Variants in PPME1 observed in about 807,000 individuals in gnomAD.
PPME1 encodes the protein testicular secretory protein Li 39.
Under a neutral mutation model 56.9 loss-of-function variants are expected in PPME1, and 17 were observed. The observed-to-expected ratio is 0.30, with a 90% CI of 0.20 to 0.45. The LOEUF (loss-of-function observed/expected upper bound fraction) is 0.45, where lower values mean the gene tolerates loss of function less well. Among genes scored for constraint, PPME1 ranks in the 20% least tolerant of loss-of-function variants. PPME1 has a pLI of 1.00. For synonymous variants in PPME1, 122 were observed against 156.2 expected, an observed-to-expected ratio of 0.78 and a Z score of 1.63; for missense variants, 357 against 483.2, an observed-to-expected ratio of 0.74 and a Z score of 2.45.
rs775427211 is a variant in PPME1 at position 74,230,980 on chromosome 11, C to G, written c.622C>G (p.Leu208Val). 3 of 1,599,912 alleles carry G rather than the reference C, an allele frequency of 1.9e-6. No homozygotes were observed. Among genetic ancestry groups the G allele is most frequent in the Non-Finnish European group, 2.6e-6 (3 of 1,172,576 alleles). ...GGGTCGTCCTAAAACCTTCAAGTCT[C>G]TGGAGAATGCTATTGAATGGAGGTA... ...LRGRPKTFKS[L>V]ENAIEWSVKS... The change falls in exon 7 of 14, where the codon CTG becomes GTG. Residue 208 changes from leucine (L) to valine (V), a missense_variant. Leu to Val is a conservative substitution (Grantham distance 32). Coordinates refer to ENST00000328257, the MANE Select transcript of PPME1 (RefSeq NM_016147.3). The surrounding 1 kb of genome is among the most constrained non-coding windows in gnomAD (Gnocchi z 4.9).
At position 74,239,034 on chromosome 11, in the gene PPME1, G is replaced by C. The variant is rs1185018449; in HGVS notation, c.711-99G>C. ...CTACCAGGATGATTGTTAAGTTTTA[G>C]CTAACATTTGATTATAAAAGGCCGT... On this transcript the variant is annotated intron_variant, in intron 8 of 13. Coordinates refer to ENST00000328257, the MANE Select transcript of PPME1 (RefSeq NM_016147.3). 5.8e-6 allele frequency: 7 copies of C among 1,198,122 alleles called. No homozygotes were observed. The African/African-American group carries it at 1.1e-4, about 18-fold the overall frequency. The allele number at this position is 1,198,122 out of a possible 1,614,324, so 74.2% of individuals were successfully genotyped here. A position where few individuals can be genotyped will look rare whatever the true frequency, so the allele number is the denominator to read the frequency against.
chr11:74,194,702 G>A (rs1565379223), intron 1 of PPME1, among the ~76,000 whole-genome samples: 2 of 152,046 alleles, frequency 1.3e-5, no homozygotes, highest in African/African-American at 4.8e-5. Flanking sequence ...ATAGACAGAA[G>A]CAGTCCCTAA....
chr11:74,182,889 G>A (rs1857577083), intron 1 of PPME1, among the ~76,000 whole-genome samples: 1 of 151,964 alleles, frequency 6.6e-6, no homozygotes, highest in Non-Finnish European at 1.5e-5. Context: ...AGGCACCATG[G>A]TTCATGCCTG....
At chr11:74,246,012 G>A in intron 9 of PPME1, 64 bp from the exon 10 acceptor site, 1 of 1,525,936 alleles carries the variant, frequency 6.6e-7, no homozygotes, top group Non-Finnish European at 8.8e-7. Flanking sequence ...CAGGGATCTA[G>A]TTTTTAATCC....
chr11:74,251,112 CT>C, intron 12 of PPME1, 94 bp downstream of exon 12: 1 of 1,531,764 alleles, frequency 6.5e-7, no homozygotes, highest in Non-Finnish European at 8.8e-7. Context: ...CCTGCATTGC[CT>C]GCAGCAGCTG....
chr11:74,180,495 C>CTA (rs1857503831), intron 1 of PPME1, among the ~76,000 whole-genome samples: 1 of 152,126 alleles, frequency 6.6e-6, no homozygotes, highest in Non-Finnish European at 1.5e-5. Flanking sequence ...CTCCTAAAAG[C>CTA]GGTTATACTT....
chr11:74,212,980 A>G (rs1591041988), intron 3 of PPME1, among the ~76,000 whole-genome samples: 1 of 152,276 alleles, frequency 6.6e-6, no homozygotes. Context: ...AGGGAAGAGT[A>G]AAGACTTCAT....
intron 1 of PPME1, among the ~76,000 whole-genome samples, chr11:74,193,909 C>T (rs548469521): frequency 6.3e-4 from 96 of 152,134 alleles, no homozygotes; most frequent in Middle Eastern, 3.4e-3. Context: ...TGTTTCCTCA[C>T]GTATTTTATG....
At chr11:74,240,936 C>T (rs1591065143) in intron 9 of PPME1, among the ~76,000 whole-genome samples, 1 of 152,168 alleles carries the variant, frequency 6.6e-6, no homozygotes, top group Non-Finnish European at 1.5e-5. Context: ...GTATTATCAC[C>T]ATTTTACAAC....
intron 11 of PPME1, chr11:74,250,697 T>C: frequency 4.5e-6 from 2 of 444,682 alleles, no homozygotes; most frequent in Non-Finnish European, 8.1e-6. Flanking sequence ...GGACAAGAAC[T>C]GTTTCTTCTA....
At chr11:74,211,031 TG>T (rs1858459772) in intron 3 of PPME1, among the ~76,000 whole-genome samples, 1 of 152,224 alleles carries the variant, frequency 6.6e-6, no homozygotes, top group South Asian at 2.1e-4. Context: ...TTTAAAAATC[TG>T]TTTTTTCTAA....
rs888354839 is a variant in PPME1 at position 74,246,161 on chromosome 11, A to G, written c.920A>G (p.Asn307Ser). 2.2e-5 allele frequency: 34 copies of G among 1,552,930 alleles called. No homozygotes were observed. Among genetic ancestry groups the G allele is most frequent in the African/African-American group, 1.1e-4 (8 of 73,108 alleles). The change falls in exon 10 of 14, where the codon AAT becomes AGT. Residue 307 changes from asparagine (N) to serine (S), a missense_variant. Coordinates refer to ENST00000328257, the MANE Select transcript of PPME1 (RefSeq NM_016147.3). Reference protein sequence around the residue: ...YWDGWFRGLSNLFLSCPIPKL... With the variant: ...YWDGWFRGLSSLFLSCPIPKL... ...GACGGCTGGTTCCGAGGCTTATCCA[A>G]TCTCTTTCTTAGTTGTCCCATTCCT...
intron 5 of PPME1, among the ~76,000 whole-genome samples, chr11:74,227,516 C>T (rs79718875): frequency 0.018 from 2,705 of 151,760 alleles, 79 homozygotes; most frequent in African/African-American, 0.062. Flanking sequence ...TTATCAACTG[C>T]AGAACCTAAA....
At chr11:74,200,289 A>ATTTT (rs1387381611) in intron 1 of PPME1, among the ~76,000 whole-genome samples, 7 of 152,130 alleles carry the variant, frequency 4.6e-5, no homozygotes, top group Non-Finnish European at 7.3e-5. Flanking sequence ...CTTGCCACTT[A>ATTTT]TGTAATGTCT....
At chr11:74,192,429 T>G (rs942771025) in intron 1 of PPME1, among the ~76,000 whole-genome samples, 2 of 152,118 alleles carry the variant, frequency 1.3e-5, no homozygotes, top group African/African-American at 4.8e-5. Context: ...TAGATGAGAC[T>G]TAGGACTTTG....
chr11:74,171,620 G>T, intron 1 of PPME1, 98 bp downstream of exon 1: 2 of 1,404,530 alleles, frequency 1.4e-6, no homozygotes, highest in South Asian at 1.5e-5. Flanking sequence ...GGAGTCTACT[G>T]ATAGGAGAAA....
At chr11:74,200,951 T>A (rs1858145827) in intron 1 of PPME1, among the ~76,000 whole-genome samples, 2 of 151,928 alleles carry the variant, frequency 1.3e-5, no homozygotes, top group African/African-American at 4.8e-5. Flanking sequence ...CTCTCCCGAG[T>A]GGCAGGAACT....
chr11:74,224,019 A>G (rs1858870370), intron 4 of PPME1, among the ~76,000 whole-genome samples: 1 of 152,178 alleles, frequency 6.6e-6, no homozygotes, highest in African/African-American at 2.4e-5. Context: ...GTCCTTGTCC[A>G]TGCCTATGTC....
At chr11:74,190,261 A>G (rs1164224316) in intron 1 of PPME1, among the ~76,000 whole-genome samples, 1 of 152,132 alleles carries the variant, frequency 6.6e-6, no homozygotes, top group Non-Finnish European at 1.5e-5. Flanking sequence ...CCAATGCTGG[A>G]GGTAGGGCCC....
Sources: gnomAD v4.1 joint callset for allele counts (sites outside exome capture counted in the v4.1 genomes callset) on GRCh38, gnomAD v4.1.1 for gene constraint, Gnocchi (gnomAD v3.1) non-coding constraint, MANE v1.5 for transcripts, NCBI Gene and HGNC (gene_info 2026-07-23, HGNC 2026-07-21) for gene names.